Variants in NUBPL observed in about 807,000 individuals in gnomAD.
NUBPL encodes NUBP iron-sulfur cluster assembly factor, mitochondrial, also known as iron-sulfur cluster transfer protein NUBPL.
Under a neutral mutation model 45.7 loss-of-function variants are expected in NUBPL, and 31 were observed. The observed-to-expected ratio is 0.68, with a 90% CI of 0.51 to 0.92. The LOEUF is 0.92. Among genes scored for constraint, NUBPL ranks in the 40% least tolerant of loss-of-function variants. The pLI is 0.00. For synonymous variants in NUBPL, 144 were observed against 140.9 expected (o/e 1.02, Z -0.15); for missense variants, 401 against 398.7 (o/e 1.01, Z -0.05).
intron 10 of NUBPL, among the ~76,000 whole-genome samples, chr14:31,856,182 A>C (rs1430479661): frequency 6.6e-6 from 1 of 152,134 alleles, no homozygotes; most frequent in Admixed American, 6.5e-5. Context: ...GCAAGGAGGA[A>C]CAAGTCATGT....
chr14:31,704,375 T>C (rs774306398), intron 6 of NUBPL, among the ~76,000 whole-genome samples: 5 of 152,146 alleles, frequency 3.3e-5, no homozygotes, highest in Non-Finnish European at 7.4e-5. Context: ...TTACTGAAAG[T>C]ATAATTGGCC....
At chr14:31,597,691 G>A (rs932641176) in intron 3 of NUBPL, among the ~76,000 whole-genome samples, 1 of 152,090 alleles carries the variant, frequency 6.6e-6, no homozygotes, top group Non-Finnish European at 1.5e-5. Flanking sequence ...AGAGAACAAG[G>A]AAAGAGAATT....
chr14:31,666,110 A>G (rs1248207756), intron 4 of NUBPL, among the ~76,000 whole-genome samples: 1 of 149,032 alleles, frequency 6.7e-6, no homozygotes, highest in Non-Finnish European at 1.5e-5. Flanking sequence ...TTTTGAGCCT[A>G]TGTGTGTCTT....
At chr14:31,802,054 T>C (rs548126317) in intron 7 of NUBPL, among the ~76,000 whole-genome samples, 1 of 152,268 alleles carries the variant, frequency 6.6e-6, no homozygotes, top group South Asian at 2.1e-4. Context: ...TAATGTAACA[T>C]TATTAATAGG....
chr14:31,844,489 A>G, intron 8 of NUBPL: 1 of 152,160 alleles, frequency 6.6e-6, no homozygotes, highest in Non-Finnish European at 1.5e-5. Flanking sequence ...ACACAGCGTG[A>G]TTTATTTTTT....
intron 3 of NUBPL, among the ~76,000 whole-genome samples, chr14:31,598,533 G>T (rs1345002082): frequency 6.6e-6 from 1 of 152,138 alleles, no homozygotes; most frequent in East Asian, 1.9e-4. Flanking sequence ...AAAAAAAAGA[G>T]ACATATTTTT....
intron 6 of NUBPL, among the ~76,000 whole-genome samples, chr14:31,785,503 T>G (rs773189613): frequency 1.9e-4 from 29 of 152,308 alleles, no homozygotes; most frequent in Middle Eastern, 3.4e-3. Context: ...GTAAATCGCT[T>G]GAATCATCCT....
intron 4 of NUBPL, among the ~76,000 whole-genome samples, chr14:31,626,819 T>C (rs1183013490): frequency 3.9e-5 from 6 of 152,206 alleles, no homozygotes; most frequent in Non-Finnish European, 8.8e-5. Context: ...ATATGATTAT[T>C]ACCAGGGTTG....
chr14:31,750,325 A>G (rs4981901), intron 6 of NUBPL, among the ~76,000 whole-genome samples: 81,682 of 147,686 alleles, frequency 0.55, 24,799 homozygotes, highest in African/African-American at 0.83. Flanking sequence ...ACAGGCGCCC[A>G]CCACCACGCC....
chr14:31,841,561 A>G (rs946861846), intron 8 of NUBPL, among the ~76,000 whole-genome samples: 2 of 152,068 alleles, frequency 1.3e-5, no homozygotes, highest in Admixed American at 1.3e-4. Context: ...TGTATATACC[A>G]TCTCCCACTC....
chr14:31,803,020 C>G (rs1166670848), intron 7 of NUBPL, among the ~76,000 whole-genome samples: 2 of 152,198 alleles, frequency 1.3e-5, no homozygotes, highest in African/African-American at 2.4e-5. Context: ...CTTGCCTACC[C>G]TGATATTTTT....
intron 10 of NUBPL, among the ~76,000 whole-genome samples, chr14:31,852,502 C>T (rs7148175): frequency 0.26 from 39,817 of 151,958 alleles, 7,898 homozygotes; most frequent in African/African-American, 0.56. Context: ...GAAACCCCGT[C>T]TCTAGTAAAA....
At position 31,561,489 on chromosome 14, in the gene NUBPL, C is replaced by G. The variant is rs1466945197; in HGVS notation, c.50C>G (p.Ala17Gly). The G allele has an allele frequency of 7.1e-7, 1 of 1,402,278 alleles. No individual in the cohort carries two copies. Among genetic ancestry groups the G allele is most frequent in the Non-Finnish European group, 9.3e-7 (1 of 1,069,988 alleles). The allele number at this position is 1,402,278 out of a possible 1,614,324, so 86.9% of individuals were successfully genotyped here. A position where few individuals can be genotyped will look rare whatever the true frequency, so the allele number is the denominator to read the frequency against. ...CTTTTTGGTGGGGTGTCGCTCCGGG[C>G]TGGTGGCGGGGCCACTGCCCCGCTT... Reference protein sequence around the residue: ...LLLFGGVSLRAGGGATAPLGG... With the variant: ...LLLFGGVSLRGGGGATAPLGG... Residue 17 changes from alanine to glycine, a missense_variant, in exon 1 of 11, where the codon GCT becomes GGT. By Grantham distance (60) the Ala-to-Gly change is moderately conservative. Coordinates refer to ENST00000281081, the MANE Select transcript of NUBPL (RefSeq NM_025152.3).
At chr14:31,802,467 C>A (rs35050489) in intron 7 of NUBPL, among the ~76,000 whole-genome samples, 145,613 of 152,042 alleles carry the variant, frequency 0.96, 70,031 homozygotes, top group Non-Finnish European at 1. Context: ...TAGTAGAGAC[C>A]GGGTTTCACC....
Position 31,826,661 on chromosome 14 carries a change from G to T in NUBPL, c.640G>T (p.Ala214Ser), listed in dbSNP as rs749762773. Residue 214 changes from alanine to serine, a missense_variant, in exon 8 of 11, where the codon GCA becomes TCA. By Grantham distance (99) the Ala-to-Ser change is moderately conservative. Coordinates refer to ENST00000281081, the MANE Select transcript of NUBPL (RefSeq NM_025152.3). ...AVIVSTPQDI[A>S]LMDAHKGAEM... is the part of the protein sequence containing the mutation. ...GATTGTCTCCACGCCCCAGGACATC[G>T]CATTGATGGATGCACACAAGGGTGC... 2 of 1,614,000 alleles carry T rather than the reference G, an allele frequency of 1.2e-6. No individual in the cohort carries two copies. The highest frequency in any genetic ancestry group is 2.2e-5 in the East Asian group (1 of 44,890).
Position 31,588,624 on chromosome 14 carries a change from A to G in NUBPL, c.292-10665A>G, listed in dbSNP as rs181626224. Among the ~76,000 whole-genome samples the G allele has an allele frequency of 2.3e-3, 357 of 152,090 alleles. 2 individuals are homozygous for G. Among genetic ancestry groups the G allele is most frequent in the African/African-American group, 8.5e-3 (351 of 41,502 alleles). On this transcript the variant is annotated intron_variant, in intron 3 of 10. Coordinates refer to ENST00000281081, the MANE Select transcript of NUBPL (RefSeq NM_025152.3). ...TTTTTTTTTTTAAATCCTTAAAAAT[A>G]GTAATCACCCGGCTGAGCGCGGTGG...
chr14:31,604,195 A>C (rs1044402799), intron 4 of NUBPL, among the ~76,000 whole-genome samples: 1 of 151,916 alleles, frequency 6.6e-6, no homozygotes, highest in Non-Finnish European at 1.5e-5. Context: ...AAAAAAAAAA[A>C]ACACTTTCTC....
At chr14:31,723,444 T>C (rs1019708853) in intron 6 of NUBPL, among the ~76,000 whole-genome samples, 2 of 152,232 alleles carry the variant, frequency 1.3e-5, no homozygotes, top group Non-Finnish European at 2.9e-5. Flanking sequence ...TGGTTCCACA[T>C]GAATTTTAAA....
intron 3 of NUBPL, among the ~76,000 whole-genome samples, chr14:31,568,396 G>A (rs950216380): frequency 5.9e-5 from 9 of 152,238 alleles, no homozygotes; most frequent in Middle Eastern, 3.4e-3. Context: ...ACATAAACAC[G>A]CCCTTCGAGG....
Sources: allele counts gnomAD v4.1 joint callset (sites outside exome capture counted in the v4.1 genomes callset), GRCh38; gene constraint gnomAD v4.1.1; transcripts MANE v1.5; gene names NCBI Gene and HGNC (gene_info 2026-07-23, HGNC 2026-07-21).